Variants in CBL observed in about 807,000 individuals in gnomAD.
CBL encodes E3 ubiquitin-protein ligase CBL.
A neutral mutation model predicts 96.9 loss-of-function variants in CBL; 45 were observed. The ratio of observed to expected loss-of-function variants is 0.46; its 90% CI spans 0.37 to 0.60. The LOEUF (loss-of-function observed/expected upper bound fraction) is 0.60. CBL is among the 20% of genes least tolerant of loss of function. The probability of loss-of-function intolerance (pLI) is 0.00; values close to 1 mark genes in which losing one functional copy is unlikely to be tolerated. For missense variants in CBL, 1,024 were observed against 1,143.5 expected (o/e 0.90, Z 1.51); for synonymous variants, 420 against 426.8 (o/e 0.98, Z 0.20).
intron 2 of CBL, among the ~76,000 whole-genome samples, chr11:119,247,271 A>G (rs1949638780): frequency 6.6e-6 from 1 of 152,218 alleles, no homozygotes; most frequent in Non-Finnish European, 1.5e-5. Flanking sequence ...CATGAAGCAG[A>G]CAAGATAGCC....
chr11:119,306,317 C>T lies in CBL; in HGVS notation c.*6536C>T, dbSNP rs886157444. 2.5e-6 allele frequency: 1 copy of T among 398,682 alleles called. No individual in the cohort carries two copies. Among genetic ancestry groups the T allele is most frequent in the Non-Finnish European group, 4.4e-6 (1 of 226,090 alleles). 24.7% of individuals were successfully genotyped at this position (398,682 alleles called of 1,614,324 possible). ...AAGCCCAAAAGCCAACCTCAGATCTCCTGATTTGGCAGCTGAAGAAATCAG... is the reference window on the plus strand; with the variant it reads ...AAGCCCAAAAGCCAACCTCAGATCTTCTGATTTGGCAGCTGAAGAAATCAG... On this transcript the variant is annotated 3_prime_UTR_variant, in exon 16 of 16. Coordinates refer to ENST00000264033, the MANE Select transcript of CBL (RefSeq NM_005188.4).
rs993033451 is a variant in CBL, at chr11:119,277,270, C to CACAT, written c.1008-486_1008-485insCATA. Among the ~76,000 whole-genome samples the CACAT allele has an allele frequency of 8.6e-5, 13 of 151,692 alleles. 1 individual carries two copies. The South Asian group carries it at 1.9e-3, about 22-fold the overall frequency. ...ACACACACACACACACACACACACACATAAAGAATTTCTATCTGGTGGCCA... is the reference window on the plus strand; with the variant it reads ...ACACACACACACACACACACACACACACATATAAAGAATTTCTATCTGGTGGCCA... On this transcript the variant is annotated intron_variant, in intron 6 of 15. Coordinates refer to ENST00000264033, the MANE Select transcript of CBL (RefSeq NM_005188.4).
At chr11:119,238,280 G>T (rs750207933) in intron 2 of CBL, among the ~76,000 whole-genome samples, 13 of 150,970 alleles carry the variant, frequency 8.6e-5, no homozygotes, top group Non-Finnish European at 1.8e-4. Context: ...GAGTACAGTG[G>T]CATGACCTTG....
intron 2 of CBL, among the ~76,000 whole-genome samples, chr11:119,254,908 AT>A (rs1949699910): frequency 6.6e-6 from 1 of 152,080 alleles, no homozygotes; most frequent in Non-Finnish European, 1.5e-5. Flanking sequence ...GGCTGCGAGT[AT>A]TTTTTGAGAA....
In CBL at chr11:119,304,630, A is replaced by ATTT; in HGVS notation, c.*4861_*4863dup. On this transcript the variant is annotated 3_prime_UTR_variant, in exon 16 of 16. Coordinates refer to ENST00000264033, the MANE Select transcript of CBL (RefSeq NM_005188.4). ...ACAAATTCTCAATTTCCCATACTTA[A>ATTT]TTTTTTTTTTTTTTGAGATGGAGTC... The ATTT allele has an allele frequency of 2.5e-5, 5 of 198,758 alleles. No homozygotes were observed. Among genetic ancestry groups the ATTT allele is most frequent in the Non-Finnish European group, 4.0e-5 (4 of 98,890 alleles). The allele number at this position is 198,758 out of a possible 1,614,324, so 12.3% of individuals were successfully genotyped here.
rs1174871506 is a variant in CBL at position 119,297,378 on chromosome 11, G to A, written c.2154-6G>A. The A allele has an allele frequency of 6.2e-7, 1 of 1,606,892 alleles. No individual in the cohort carries two copies. On this transcript the variant is annotated splice_region_variant and splice_polypyrimidine_tract_variant and intron_variant, in intron 13 of 15. Transcript: ENST00000264033. ...AGATCATTATGGCACTTTCCTTCTGGTTCAGAGCATGTGATTGCGACCAGC... is the reference window on the plus strand; with the variant it reads ...AGATCATTATGGCACTTTCCTTCTGATTCAGAGCATGTGATTGCGACCAGC...
At chr11:119,275,338 T>C (rs961904701) in intron 5 of CBL, among the ~76,000 whole-genome samples, 2 of 152,092 alleles carry the variant, frequency 1.3e-5, no homozygotes, top group Non-Finnish European at 2.9e-5. Flanking sequence ...CTCAGGAGGC[T>C]GAGGCAGGAG....
chr11:119,296,841 T>C, intron 12 of CBL, 77 bp from the exon 13 acceptor site: 2 of 770,272 alleles, frequency 2.6e-6, no homozygotes. Context: ...TATGTCTGTT[T>C]TTAAGCCATT....
chr11:119,228,813 TC>T (rs71470961), intron 1 of CBL, among the ~76,000 whole-genome samples: 48,211 of 142,598 alleles, frequency 0.34, 8,743 homozygotes, highest in South Asian at 0.58. Flanking sequence ...TCTCTCTCTC[TC>T]TTTTTTTTTT....
chr11:119,232,688 C>T lies in CBL; in HGVS notation c.436C>T (p.Gln146Ter). ...GKERMYEENS[Q>*]PRRNLTKLSL... ...AGAAAGAATGTATGAGGAGAATTCTCAGCCTAGGTAATGGAGAAATACTAC... is the reference window on the plus strand; with the variant it reads ...AGAAAGAATGTATGAGGAGAATTCTTAGCCTAGGTAATGGAGAAATACTAC... Residue 146 changes from glutamine (Q) to a stop codon, truncating the protein, a stop_gained, in exon 2 of 16, where the codon CAG becomes TAG. Coordinates refer to ENST00000264033, the MANE Select transcript of CBL (RefSeq NM_005188.4). LOFTEE classifies it high-confidence loss of function. 6.2e-7 allele frequency: 1 copy of T among 1,613,164 alleles called. No homozygotes were observed. Among genetic ancestry groups the T allele is most frequent in the Non-Finnish European group, 8.5e-7 (1 of 1,179,822 alleles).
chr11:119,256,382 T>A (rs1783432227), intron 2 of CBL, among the ~76,000 whole-genome samples: 1 of 152,058 alleles, frequency 6.6e-6, no homozygotes, highest in Admixed American at 6.6e-5. Flanking sequence ...AGTTTCATCA[T>A]GTTGGCCAGG....
At chr11:119,218,062 C>G (rs1363040918) in intron 1 of CBL, among the ~76,000 whole-genome samples, 2 of 152,024 alleles carry the variant, frequency 1.3e-5, no homozygotes, top group African/African-American at 4.8e-5. Flanking sequence ...CAGAGTGAGA[C>G]CCTGTCTCTA....
At chr11:119,282,395 A>G (rs557635921) in intron 9 of CBL, among the ~76,000 whole-genome samples, 17 of 152,280 alleles carry the variant, frequency 1.1e-4, no homozygotes, top group African/African-American at 4.1e-4. Flanking sequence ...ACATGAATGT[A>G]AAAATATGAT....
intron 1 of CBL, among the ~76,000 whole-genome samples, chr11:119,224,795 G>T (rs1192056376): frequency 6.6e-6 from 1 of 151,866 alleles, no homozygotes; most frequent in Non-Finnish European, 1.5e-5. Context: ...AGTGGAAGTG[G>T]ATCTTCATCC....
intron 1 of CBL, 60 bp from the exon 2 acceptor site, chr11:119,232,388 A>G (rs202192097): frequency 5.0e-6 from 8 of 1,588,626 alleles, no homozygotes; most frequent in Non-Finnish European, 6.0e-6. Context: ...CTTAAACTTA[A>G]AAAAGGGAGC....
At chr11:119,257,993 G>A (rs1178571107) in intron 2 of CBL, among the ~76,000 whole-genome samples, 1 of 152,092 alleles carries the variant, frequency 6.6e-6, no homozygotes. Flanking sequence ...TTTGGAGGCT[G>A]AGGCAGGCGG....
chr11:119,290,352 T>C (rs1156608875), intron 12 of CBL, among the ~76,000 whole-genome samples: 1 of 151,586 alleles, frequency 6.6e-6, no homozygotes, highest in Admixed American at 6.6e-5. Flanking sequence ...AGCCCACTTT[T>C]AATTTTTTAA....
intron 2 of CBL, among the ~76,000 whole-genome samples, chr11:119,260,988 C>A (rs1044407410): frequency 7.5e-6 from 1 of 133,246 alleles, no homozygotes; most frequent in African/African-American, 2.8e-5. Context: ...AGGCTGGACA[C>A]TACAACCTCT....
At chr11:119,250,573 A>T (rs1376228852) in intron 2 of CBL, among the ~76,000 whole-genome samples, 1 of 152,200 alleles carries the variant, frequency 6.6e-6, no homozygotes, top group African/African-American at 2.4e-5. Context: ...CTCTCCAGGC[A>T]GTAAGTTAGA....
Sources: gnomAD v4.1 joint callset for allele counts (sites outside exome capture counted in the v4.1 genomes callset) on GRCh38, gnomAD v4.1.1 for gene constraint, MANE v1.5 for transcripts, NCBI Gene and HGNC (gene_info 2026-07-23, HGNC 2026-07-21) for gene names.